Variants in LARP1B observed in about 807,000 individuals in gnomAD.
LARP1B encodes the protein la-related protein 1B.
A neutral mutation model predicts 114.2 loss-of-function variants in LARP1B; 76 were observed. The ratio of observed to expected loss-of-function variants is 0.67; its 90% CI spans 0.55 to 0.81. The LOEUF (loss-of-function observed/expected upper bound fraction) is 0.81, where lower values mean the gene tolerates loss of function less well. Among genes scored for constraint, LARP1B ranks in the 30% least tolerant of loss-of-function variants. LARP1B has a pLI of 0.00. For synonymous variants in LARP1B, 345 were observed against 348.0 expected, an observed-to-expected ratio of 0.99 and a Z score of 0.10; for missense variants, 1,014 against 1,075.8, an observed-to-expected ratio of 0.94 and a Z score of 0.80.
intron 11 of LARP1B, chr4:128,156,324 C>T: frequency 1.5e-6 from 1 of 677,638 alleles, no homozygotes; most frequent in Non-Finnish European, 2.6e-6. Context: ...CTTCTCCATC[C>T]CTCTAATGAG....
intron 11 of LARP1B, among the ~76,000 whole-genome samples, chr4:128,146,303 A>G (rs1167930104): frequency 6.6e-6 from 1 of 152,174 alleles, no homozygotes; most frequent in East Asian, 1.9e-4. Context: ...TTGGTATAGA[A>G]ATGAAGATGA....
intron 7 of LARP1B, among the ~76,000 whole-genome samples, chr4:128,097,808 G>A (rs1215262097): frequency 6.6e-6 from 1 of 152,026 alleles, no homozygotes; most frequent in Non-Finnish European, 1.5e-5. Context: ...GATTAGCTTT[G>A]TTATCTAATG....
intron 11 of LARP1B, among the ~76,000 whole-genome samples, chr4:128,150,085 A>G (rs564801451): frequency 5.3e-5 from 8 of 152,274 alleles, no homozygotes; most frequent in African/African-American, 9.6e-5. Context: ...CGGGAGGCGG[A>G]GGTTGCAGTG....
At chr4:128,137,683 C>A (rs1385555235) in intron 11 of LARP1B, among the ~76,000 whole-genome samples, 1 of 151,086 alleles carries the variant, frequency 6.6e-6, no homozygotes, top group Non-Finnish European at 1.5e-5. Context: ...TATCTATCAC[C>A]TCAAACATTT....
At position 128,178,565 on chromosome 4, in the gene LARP1B, A is replaced by G. The variant is rs768935180; in HGVS notation, c.1819A>G (p.Thr607Ala). 6 of 1,614,110 alleles carry G rather than the reference A, an allele frequency of 3.7e-6. No individual in the cohort carries two copies. The highest frequency in any genetic ancestry group is 5.1e-6 in the Non-Finnish European group (6 of 1,180,004). The change falls in exon 14 of 20, where the codon ACA (threonine) becomes GCA (alanine). Residue 607 changes from threonine (T) to alanine (A), a missense_variant. Physicochemically the swap from Thr to Ala is moderately conservative, Grantham distance 58. Coordinates refer to ENST00000326639, the MANE Select transcript of LARP1B (RefSeq NM_018078.4). ...TACAAGAACACCCAAAACACCTCGA[A>G]CACCTAGGTTACAAGATCCTAACAA... ...HPTRTPKTPR[T>A]PRLQDPNKTP...
In LARP1B at chr4:128,108,511, T is replaced by C. The variant is rs540182269; in HGVS notation, c.988+1198T>C. 6 of 985,740 alleles carry C rather than the reference T, an allele frequency of 6.1e-6. No individual in the cohort carries two copies. In the East Asian group the frequency reaches 4.5e-4, roughly 75 times the overall value. 61.1% of individuals were successfully genotyped at this position (985,740 alleles called of 1,614,324 possible). A position where few individuals can be genotyped will look rare whatever the true frequency, so the allele number is the denominator to read the frequency against. ...TTTGATACATCAGTATGAGAGGACG[T>C]CCCATCAACAAAGCATCGATGATGG... On this transcript the variant is annotated intron_variant, in intron 9 of 19. Transcript: ENST00000326639.
intron 1 of LARP1B, among the ~76,000 whole-genome samples, chr4:128,065,278 T>TTTCC (rs1762094015): frequency 7.7e-6 from 1 of 129,636 alleles, no homozygotes; most frequent in Non-Finnish European, 1.7e-5. Context: ...TCTTTCTTTC[T>TTTCC]TTCTTTCTTT....
intron 9 of LARP1B, among the ~76,000 whole-genome samples, chr4:128,110,217 A>G (rs147852883): frequency 9.8e-4 from 149 of 152,270 alleles, no homozygotes; most frequent in African/African-American, 3.5e-3. Flanking sequence ...TTTTCAGTTA[A>G]TAAAAGCAGC....
chr4:128,134,147 C>T (rs905665563), intron 11 of LARP1B, among the ~76,000 whole-genome samples: 2 of 152,080 alleles, frequency 1.3e-5, no homozygotes, highest in Non-Finnish European at 2.9e-5. Context: ...ACTACAGGCT[C>T]ACACTGCCAC....
chr4:128,061,839 G>A (rs954564507), intron 1 of LARP1B: 61 of 984,798 alleles, frequency 6.2e-5, no homozygotes, highest in Non-Finnish European at 7.0e-5. Context: ...GAGGCGGCGA[G>A]GGAGGAGAGG....
intron 7 of LARP1B, among the ~76,000 whole-genome samples, chr4:128,221,890 A>C (rs536431849): frequency 6.6e-6 from 1 of 152,284 alleles, no homozygotes; most frequent in Admixed American, 6.5e-5. Context: ...AATTACACTT[A>C]CCTCATAGTG....
At chr4:128,094,553 C>T (rs1318272964) in intron 7 of LARP1B, among the ~76,000 whole-genome samples, 2 of 151,400 alleles carry the variant, frequency 1.3e-5, no homozygotes, top group East Asian at 1.9e-4. Context: ...ATTAGAGGCA[C>T]GTGACACTGC....
At chr4:128,130,914 G>GA (rs1472570794) in intron 11 of LARP1B, among the ~76,000 whole-genome samples, 2 of 152,154 alleles carry the variant, frequency 1.3e-5, no homozygotes, top group African/African-American at 4.8e-5. Flanking sequence ...TATATTGGGT[G>GA]AAAAAAGCCT....
intron 11 of LARP1B, among the ~76,000 whole-genome samples, chr4:128,129,912 T>C (rs545726005): frequency 1.4e-4 from 21 of 152,336 alleles, no homozygotes; most frequent in Admixed American, 1.3e-4. Flanking sequence ...ATAAACGTCC[T>C]AGAAGATGAT....
At position 128,098,296 on chromosome 4, in the gene LARP1B, A is replaced by G. The variant is rs1443341745; in HGVS notation, c.779A>G (p.Gln260Arg). 1 of 1,613,750 alleles carries G rather than the reference A, an allele frequency of 6.2e-7. No individual in the cohort carries two copies. Among genetic ancestry groups the G allele is most frequent in the Non-Finnish European group, 8.5e-7 (1 of 1,179,858 alleles). ...ISLIAGFQRV[Q>R]ALTTNLNLIL... is the part of the protein sequence containing the mutation. The stretch of plus-strand genomic sequence containing the variant: ...CTGATTGCTGGTTTTCAGCGTGTTC[A>G]GGCTCTCACTACAAACCTTAATCTC... Residue 260 changes from glutamine (Q) to arginine (R), a missense_variant, in exon 8 of 20, where the codon CAG becomes CGG. Gln to Arg is a conservative substitution (Grantham distance 43). Transcript: ENST00000326639.
intron 11 of LARP1B, among the ~76,000 whole-genome samples, chr4:128,136,494 ATAT>A (rs746538507): frequency 2.6e-5 from 4 of 152,214 alleles, no homozygotes; most frequent in Non-Finnish European, 4.4e-5. Context: ...AATGTATTTA[ATAT>A]TAAAGCTTCA....
chr4:128,196,177 G>A (rs1054400614), intron 15 of LARP1B, among the ~76,000 whole-genome samples: 1 of 150,000 alleles, frequency 6.7e-6, no homozygotes, highest in Non-Finnish European at 1.5e-5. Context: ...CTTGAGCCCG[G>A]GAAGCGGATG....
intron 5 of LARP1B, among the ~76,000 whole-genome samples, chr4:128,083,848 G>C (rs1162780241): frequency 1.3e-5 from 2 of 151,086 alleles, no homozygotes; most frequent in African/African-American, 2.4e-5. Context: ...GGGCGGAGAC[G>C]CTCCTCACTT....
intron 10 of LARP1B, among the ~76,000 whole-genome samples, chr4:128,121,432 G>T (rs1787947267): frequency 6.6e-6 from 1 of 152,216 alleles, no homozygotes; most frequent in African/African-American, 2.4e-5. Flanking sequence ...CGATTCTCCT[G>T]CCTCAGCCTC....
Sources: gnomAD v4.1 joint callset for allele counts (sites outside exome capture counted in the v4.1 genomes callset) on GRCh38, gnomAD v4.1.1 for gene constraint, MANE v1.5 for transcripts, NCBI Gene and HGNC (gene_info 2026-07-23, HGNC 2026-07-21) for gene names.